The following SPATA22 variants were observed in gnomAD, a reference collection of about 807,000 sequenced individuals.
The protein encoded by SPATA22 is spermatogenesis-associated protein 22.
Under a neutral mutation model 47.8 loss-of-function variants are expected in SPATA22, and 29 were observed. The ratio of observed to expected loss-of-function variants is 0.61; its 90% CI spans 0.45 to 0.83. The LOEUF is 0.83. Ranked by LOEUF, SPATA22 falls within the 40% of genes least tolerant of loss-of-function variation. SPATA22 has a pLI of 0.00. For missense variants in SPATA22, 410 were observed against 421.7 expected, an observed-to-expected ratio of 0.97 and a Z score of 0.24; for synonymous variants, 133 against 140.9, an observed-to-expected ratio of 0.94 and a Z score of 0.40.
chr17:3,512,435 G>C (rs961345389), intron 1 of SPATA22: 2 of 152,200 alleles, frequency 1.3e-5, no homozygotes, highest in Non-Finnish European at 2.9e-5. Context: ...AACTGGCCCA[G>C]AGTGCACTGC....
intron 7 of SPATA22, among the ~76,000 whole-genome samples, 179 bp downstream of exon 7, chr17:3,446,293 A>G (rs374813514): frequency 6.6e-6 from 1 of 151,842 alleles, no homozygotes; most frequent in African/African-American, 2.4e-5. Flanking sequence ...GAATGTAGAC[A>G]TTTTTAGGGA....
upstream of SPATA22, chr17:3,471,932 T>C (rs62071295): frequency 1.1e-6 from 1 of 885,184 alleles, no homozygotes; most frequent in Non-Finnish European, 1.4e-6. Flanking sequence ...ACGTTAACGC[T>C]CTTCCTTGGC....
intron 5 of SPATA22, among the ~76,000 whole-genome samples, chr17:3,450,346 A>G (rs1217093186): frequency 1.3e-5 from 2 of 152,244 alleles, no homozygotes; most frequent in Non-Finnish European, 2.9e-5. Context: ...TTGGGTACAA[A>G]GTTAGTACAA....
intron 1 of SPATA22, chr17:3,512,189 C>T (rs928287457): frequency 3.9e-5 from 6 of 152,266 alleles, no homozygotes; most frequent in African/African-American, 1.2e-4. Flanking sequence ...ATCTGCTCCT[C>T]CTGCCTCTAG....
At chr17:3,471,861 C>G, upstream of SPATA22, 1 of 985,516 alleles carries the variant, frequency 1.0e-6, no homozygotes, top group Non-Finnish European at 1.2e-6. Flanking sequence ...GCGCAGTGGC[C>G]GCCACCTCGG....
intron 1 of SPATA22, among the ~76,000 whole-genome samples, chr17:3,506,639 T>A (rs2074042800): frequency 1.3e-5 from 2 of 151,448 alleles, no homozygotes; most frequent in African/African-American, 4.9e-5. Context: ...TAGACAGGAG[T>A]TTTCTTGCTC....
intron 1 of SPATA22, among the ~76,000 whole-genome samples, chr17:3,479,226 C>T (rs564264160): frequency 2.6e-5 from 4 of 152,302 alleles, no homozygotes; most frequent in East Asian, 1.9e-4. Flanking sequence ...GGGAGCTCAA[C>T]TGCAGGCATG....
chr17:3,463,160 A>G (rs2073168357), intron 3 of SPATA22, among the ~76,000 whole-genome samples: 1 of 152,238 alleles, frequency 6.6e-6, no homozygotes, highest in Non-Finnish European at 1.5e-5. Context: ...GATAGAGAGG[A>G]GAAAAAAGAA....
intron 5 of SPATA22, among the ~76,000 whole-genome samples, chr17:3,457,565 C>T (rs8069236): frequency 0.33 from 50,054 of 152,020 alleles, 10,559 homozygotes; most frequent in Non-Finnish European, 0.48. Flanking sequence ...ATCACACTTC[C>T]TGATTTCAAG....
chr17:3,513,734 T>C (rs900834681), exon 1 of SPATA22: 6 of 519,094 alleles, frequency 1.2e-5, no homozygotes, highest in Admixed American at 9.7e-5. Flanking sequence ...TGTTTCCCAC[T>C]CAGACAAATT....
At chr17:3,476,997 T>C (rs2073534851) in intron 1 of SPATA22, among the ~76,000 whole-genome samples, 1 of 151,934 alleles carries the variant, frequency 6.6e-6, no homozygotes, top group Admixed American at 6.6e-5. Context: ...CTACTAAAAA[T>C]ACAAAAAATT....
intron 2 of SPATA22, chr17:3,468,874 T>C: frequency 4.2e-6 from 4 of 945,896 alleles, no homozygotes; most frequent in South Asian, 4.8e-5. Flanking sequence ...CTGGTTCTCA[T>C]CATCCTTGCC....
intron 1 of SPATA22, among the ~76,000 whole-genome samples, chr17:3,504,731 A>AT (rs1208179298): frequency 2.0e-5 from 3 of 151,784 alleles, no homozygotes; most frequent in Admixed American, 1.3e-4. Flanking sequence ...CTAATTTTGT[A>AT]TTTTTTTAGT....
intron 1 of SPATA22, among the ~76,000 whole-genome samples, chr17:3,478,191 A>AT (rs1324639367): frequency 1.2e-3 from 187 of 150,956 alleles, no homozygotes; most frequent in African/African-American, 3.8e-3. Flanking sequence ...TCTCAAAAAA[A>AT]AAAATATATA....
rs566635621 is a variant in SPATA22 at position 3,490,976 on chromosome 17, G to C, written c.-73-21578C>G. ...CGATTAATTTAGACTATCCAGCTTG[G>C]TGGATTTTCAACTGAGCACTCCTAT... On this transcript the variant is annotated intron_variant, in intron 1 of 8. Coordinates refer to the SPATA22 transcript ENST00000541913. This position sits in a 1 kb window ranked among gnomAD's most constrained non-coding sequence, Gnocchi z 4.6. Among the ~76,000 whole-genome samples the C allele has an allele frequency of 6.6e-6, 1 of 152,290 alleles. No individual in the cohort carries two copies. Among genetic ancestry groups the C allele is most frequent in the South Asian group, 2.1e-4 (1 of 4,828 alleles).
In SPATA22 at chr17:3,462,572, T is replaced by C; in HGVS notation, c.240A>G (p.Ile80Met). The change falls in exon 5 of 9, where the codon ATA becomes ATG. Residue 80 changes from isoleucine (I) to methionine (M), a missense_variant. Physicochemically the swap from Ile to Met is conservative, Grantham distance 10. Transcript: ENST00000572969. ...TCAGAGGACGAGAAACTGAATGTGG[T>C]ATTTGCCTTTCAAGGGAATATGTCT... ...PVMKTVDTGQ[I>M]PHSVSRPLRS... The C allele has an allele frequency of 6.2e-7, 1 of 1,612,328 alleles. No individual in the cohort carries two copies.
intron 7 of SPATA22, among the ~76,000 whole-genome samples, chr17:3,446,102 T>G (rs1019285354): frequency 2.0e-5 from 3 of 152,124 alleles, no homozygotes; most frequent in Non-Finnish European, 2.9e-5. Flanking sequence ...TTCAATGCTT[T>G]CCTTGTATAA....
At chr17:3,494,223 C>G (rs898690999) in intron 1 of SPATA22, 12 of 699,946 alleles carry the variant, frequency 1.7e-5, no homozygotes, top group Middle Eastern at 2.6e-4. Flanking sequence ...AGGCTGTTCT[C>G]GAACTCCTGA....
chr17:3,497,372 C>CTT (rs2073926869), intron 1 of SPATA22, among the ~76,000 whole-genome samples: 1 of 152,138 alleles, frequency 6.6e-6, no homozygotes, highest in Non-Finnish European at 1.5e-5. Flanking sequence ...AAACAGTGAA[C>CTT]TATAAATGGG....
Sources: allele counts gnomAD v4.1 joint callset (sites outside exome capture counted in the v4.1 genomes callset), GRCh38; gene constraint gnomAD v4.1.1; non-coding constraint Gnocchi (gnomAD v3.1); transcripts MANE v1.5; gene names NCBI Gene and HGNC (gene_info 2026-07-23, HGNC 2026-07-21).